Variants in SPPL3 observed in about 807,000 individuals in gnomAD.
SPPL3 encodes the protein signal peptide peptidase-like 3.
In SPPL3, 5 loss-of-function variants were observed where a neutral mutation model predicts 42.4. The ratio of observed to expected loss-of-function variants is 0.12; its 90% confidence interval spans 0.06 to 0.25. The LOEUF (loss-of-function observed/expected upper bound fraction) is 0.25, where lower values mean the gene tolerates loss of function less well. Ranked by LOEUF, SPPL3 falls within the 10% of genes least tolerant of loss-of-function variation. SPPL3 has a pLI of 1.00. For synonymous variants in SPPL3, 195 were observed against 181.8 expected (o/e 1.07, Z -0.58); for missense variants, 235 against 489.0 (o/e 0.48, Z 4.90).
intron 1 of SPPL3, among the ~76,000 whole-genome samples, chr12:120,856,503 CTTTTTTT>C (rs35137934): frequency 2.5e-4 from 22 of 89,202 alleles, no homozygotes; most frequent in African/African-American, 7.6e-4. Flanking sequence ...CAATTTTCAT[CTTTTTTT>C]TTTTTTTTTT....
chr12:120,836,983 T>C (rs919854243), intron 1 of SPPL3, among the ~76,000 whole-genome samples: 1 of 123,582 alleles, frequency 8.1e-6, no homozygotes, highest in African/African-American at 2.5e-5. Context: ...ACATGAGCTC[T>C]CTGCATTTTT....
chr12:120,891,547 T>G (rs1873640869), intron 1 of SPPL3, among the ~76,000 whole-genome samples: 1 of 152,214 alleles, frequency 6.6e-6, no homozygotes, highest in South Asian at 2.1e-4. Flanking sequence ...AAAAATTTTT[T>G]TAGCTTTTTA....
chr12:120,858,454 C>A (rs1301347026), intron 1 of SPPL3, among the ~76,000 whole-genome samples: 25 of 126,896 alleles, frequency 2.0e-4, no homozygotes, highest in African/African-American at 6.1e-4. Flanking sequence ...AAGACTCCAT[C>A]TCAAGAAAAC....
chr12:120,802,872 C>A (rs1271918564), intron 2 of SPPL3, among the ~76,000 whole-genome samples: 1 of 152,212 alleles, frequency 6.6e-6, no homozygotes, highest in Non-Finnish European at 1.5e-5. Flanking sequence ...ACAACAACAT[C>A]CTGTTGCCCA....
chr12:120,887,651 A>C (rs1171582142), intron 1 of SPPL3, among the ~76,000 whole-genome samples: 1 of 152,224 alleles, frequency 6.6e-6, no homozygotes, highest in Non-Finnish European at 1.5e-5. Context: ...AGGTGTACTA[A>C]ATTTTTGTTC....
At chr12:120,900,556 T>C (rs1873943144) in intron 1 of SPPL3, among the ~76,000 whole-genome samples, 1 of 145,930 alleles carries the variant, frequency 6.9e-6, no homozygotes. Flanking sequence ...ATCTTGCCAC[T>C]GCACTCCAGC....
At chr12:120,857,562 A>T (rs1872500654) in intron 1 of SPPL3, among the ~76,000 whole-genome samples, 1 of 152,218 alleles carries the variant, frequency 6.6e-6, no homozygotes, top group African/African-American at 2.4e-5. Flanking sequence ...TAGCAAAGAC[A>T]TGGAATCAAC....
chr12:120,767,602 C>T lies in SPPL3; in HGVS notation c.774-9G>A. 6.2e-7 allele frequency: 1 copy of T among 1,613,768 alleles called. No individual in the cohort carries two copies. Among genetic ancestry groups the T allele is most frequent in the Non-Finnish European group, 8.5e-7 (1 of 1,179,718 alleles). On this transcript the variant is annotated splice_polypyrimidine_tract_variant and intron_variant, in intron 8 of 10. Coordinates refer to ENST00000353487, the MANE Select transcript of SPPL3 (RefSeq NM_139015.5). Reference sequence around the variant, plus strand: ...AGTGGCTGCCAGTGGAGCTGGAATGCAGTTTCACAGGTTAGTGACGTCACA... The same window carrying T: ...AGTGGCTGCCAGTGGAGCTGGAATGTAGTTTCACAGGTTAGTGACGTCACA...
chr12:120,858,050 T>G (rs1220763818), intron 1 of SPPL3, among the ~76,000 whole-genome samples: 1 of 152,064 alleles, frequency 6.6e-6, no homozygotes, highest in Non-Finnish European at 1.5e-5. Context: ...CTCAAAGTCA[T>G]TATTTTAAAA....
chr12:120,810,909 A>T, intron 1 of SPPL3, 23 bp from the exon 2 acceptor site: 3 of 1,580,058 alleles, frequency 1.9e-6, no homozygotes, highest in South Asian at 1.1e-5. Context: ...GAGGAAAAAA[A>T]TTTAAATCAC....
At chr12:120,784,999 GT>G (rs1296937402) in intron 3 of SPPL3, among the ~76,000 whole-genome samples, 1 of 152,192 alleles carries the variant, frequency 6.6e-6, no homozygotes, top group African/African-American at 2.4e-5. Flanking sequence ...TCACCTGTGG[GT>G]TTAAGGTACT....
At chr12:120,819,811 G>T (rs1870996676) in intron 1 of SPPL3, among the ~76,000 whole-genome samples, 1 of 152,144 alleles carries the variant, frequency 6.6e-6, no homozygotes. Context: ...CATTCTAAGT[G>T]TAAATGGCAT....
chr12:120,849,210 A>G (rs1861830917), intron 1 of SPPL3, among the ~76,000 whole-genome samples: 1 of 152,142 alleles, frequency 6.6e-6, no homozygotes, highest in Admixed American at 6.5e-5. Flanking sequence ...CAATAATAAT[A>G]AAAAGTAAAA....
intron 1 of SPPL3, among the ~76,000 whole-genome samples, chr12:120,832,025 C>CT (rs1317473344): frequency 6.6e-6 from 1 of 152,218 alleles, no homozygotes; most frequent in Non-Finnish European, 1.5e-5. Context: ...GCTCTTGCCT[C>CT]TTTATCACCA....
At chr12:120,896,453 TTAAG>T (rs1307737529) in intron 1 of SPPL3, among the ~76,000 whole-genome samples, 2 of 152,142 alleles carry the variant, frequency 1.3e-5, no homozygotes, top group East Asian at 1.9e-4. Flanking sequence ...CTCTAACTCT[TTAAG>T]TAAGGATAAG....
At chr12:120,773,427 C>T (rs972688903) in intron 6 of SPPL3, among the ~76,000 whole-genome samples, 2 of 152,002 alleles carry the variant, frequency 1.3e-5, no homozygotes, top group African/African-American at 2.4e-5. Context: ...ATCAAGGGCA[C>T]GAAGAAAGTA....
At chr12:120,813,673 A>G (rs1870767038) in intron 1 of SPPL3, among the ~76,000 whole-genome samples, 1 of 151,850 alleles carries the variant, frequency 6.6e-6, no homozygotes, top group Admixed American at 6.6e-5. Flanking sequence ...GGTATGTTAA[A>G]AAAAAAATGA....
chr12:120,800,883 T>C (rs981713091), intron 2 of SPPL3, among the ~76,000 whole-genome samples: 1 of 152,210 alleles, frequency 6.6e-6, no homozygotes. Context: ...CAGGCACTGC[T>C]AGGTGCTTTA....
chr12:120,858,633 G>T (rs1330283954), intron 1 of SPPL3, among the ~76,000 whole-genome samples: 3 of 152,018 alleles, frequency 2.0e-5, no homozygotes, highest in Non-Finnish European at 4.4e-5. Context: ...AAAGAAACTA[G>T]AAAGTAAATA....
Sources: gnomAD v4.1 joint callset for allele counts (sites outside exome capture counted in the v4.1 genomes callset) on GRCh38, gnomAD v4.1.1 for gene constraint, MANE v1.5 for transcripts, NCBI Gene and HGNC (gene_info 2026-07-23, HGNC 2026-07-21) for gene names.